The following RSF1 variants were observed in gnomAD, a reference collection of about 807,000 sequenced individuals.
RSF1 encodes remodeling and spacing factor 1.
Under a neutral mutation model 145.2 loss-of-function variants are expected in RSF1, and 13 were observed. The ratio of observed to expected loss-of-function variants is 0.09; its 90% CI spans 0.06 to 0.14. RSF1 has a LOEUF of 0.14. Ranked by LOEUF, RSF1 falls within the 10% of genes least tolerant of loss-of-function variation. The probability of loss-of-function intolerance (pLI) is 1.00; values close to 1 mark genes in which losing one functional copy is unlikely to be tolerated. For synonymous variants in RSF1, 577 were observed against 592.6 expected, an observed-to-expected ratio of 0.97 and a Z score of 0.38; for missense variants, 1,517 against 1,718.2, an observed-to-expected ratio of 0.88 and a Z score of 2.07.
intron 1 of RSF1, among the ~76,000 whole-genome samples, chr11:77,769,067 T>C (rs553678492): frequency 6.6e-6 from 1 of 152,298 alleles, no homozygotes; most frequent in Admixed American, 6.5e-5. Context: ...ATCATATATA[T>C]ATTTTTTTGA....
At chr11:77,813,460 C>T (rs1055598789) in intron 1 of RSF1, 1 of 1,161,328 alleles carries the variant, frequency 8.6e-7, no homozygotes, top group Admixed American at 1.7e-5. Context: ...CGTCTTAGAA[C>T]CTTCACCACA....
chr11:77,697,040 T>G (rs1488698583), intron 7 of RSF1, among the ~76,000 whole-genome samples: 2 of 152,202 alleles, frequency 1.3e-5, no homozygotes, highest in Non-Finnish European at 2.9e-5. Flanking sequence ...TTACATGAGC[T>G]GTTAAAAACA....
chr11:77,675,310 T>C, intron 13 of RSF1, 54 bp from the exon 14 acceptor site: 1 of 1,432,178 alleles, frequency 7.0e-7, no homozygotes, highest in Non-Finnish European at 9.5e-7. Context: ...GTGAACCCAT[T>C]TTTAAGAGTT....
At position 77,700,765 on chromosome 11, in the gene RSF1, T is replaced by C. The variant is rs1316016778; in HGVS notation, c.2464A>G (p.Ile822Val). 6.3e-7 allele frequency: 1 copy of C among 1,588,700 alleles called. No homozygotes were observed. The highest frequency in any genetic ancestry group is 8.5e-7 in the Non-Finnish European group (1 of 1,174,824). The change falls in exon 6 of 16, where the codon ATT (isoleucine) becomes GTT (valine). Residue 822 changes from isoleucine to valine, a missense_variant. Coordinates refer to ENST00000308488, the MANE Select transcript of RSF1 (RefSeq NM_016578.4). ...TALQKTDKKE[I>V]LKKSEKDTNS... ...GTATCTTTCTCTGATTTTTTCAAAA[T>C]TTCCTTTTTGTCAGTTTTTTGCAAA...
intron 1 of RSF1, among the ~76,000 whole-genome samples, chr11:77,785,079 G>T (rs1006936386): frequency 4.6e-5 from 7 of 152,050 alleles, no homozygotes; most frequent in Admixed American, 2.0e-4. Context: ...CTGTTTCTGC[G>T]GTCCTAAAGC....
chr11:77,780,676 T>C (rs1286449913), intron 1 of RSF1, among the ~76,000 whole-genome samples: 1 of 151,896 alleles, frequency 6.6e-6, no homozygotes, highest in Non-Finnish European at 1.5e-5. Context: ...AATACAAAAA[T>C]TAGCCGCGTG....
At chr11:77,789,983 C>G (rs1297066469) in intron 1 of RSF1, among the ~76,000 whole-genome samples, 1 of 152,200 alleles carries the variant, frequency 6.6e-6, no homozygotes, top group Non-Finnish European at 1.5e-5. Flanking sequence ...CTATCACAGC[C>G]ACCGCCAACA....
chr11:77,703,612 T>G (rs1960474940), intron 5 of RSF1: 1 of 152,154 alleles, frequency 6.6e-6, no homozygotes, highest in African/African-American at 2.4e-5. Flanking sequence ...AAATGAAAAT[T>G]TAACCACCAT....
chr11:77,800,626 T>A (rs1401752200), intron 1 of RSF1, among the ~76,000 whole-genome samples: 1 of 151,948 alleles, frequency 6.6e-6, no homozygotes, highest in Non-Finnish European at 1.5e-5. Context: ...TCTCAGCACT[T>A]TGGAAGGGAG....
At chr11:77,859,792 GT>G in the RSF1 span, among the ~76,000 whole-genome samples, 1 of 152,162 alleles carries the variant, frequency 6.6e-6, no homozygotes, top group Non-Finnish European at 1.5e-5. Flanking sequence ...TTTCTTCATT[GT>G]CTGGAAGAAA....
At chr11:77,711,720 T>C (rs1265506366) in intron 5 of RSF1, among the ~76,000 whole-genome samples, 2 of 152,004 alleles carry the variant, frequency 1.3e-5, no homozygotes, top group Non-Finnish European at 2.9e-5. Flanking sequence ...CACCCTACTT[T>C]CCCTAATGTT....
Position 77,679,358 on chromosome 11 carries a change from A to T in RSF1, c.3066-1205T>A, listed in dbSNP as rs568552914. On this transcript the variant is annotated intron_variant, in intron 11 of 15. Coordinates refer to ENST00000308488, the MANE Select transcript of RSF1 (RefSeq NM_016578.4). ...GGCAAAGTAAGTAAAACAAAATTACAGTTCCATAAATACTATTAAGTCCTA... is the reference window on the plus strand; with the variant it reads ...GGCAAAGTAAGTAAAACAAAATTACTGTTCCATAAATACTATTAAGTCCTA... 1.4e-4 allele frequency among the ~76,000 whole-genome samples: 22 copies of T among 152,372 alleles called. No homozygotes were observed. The South Asian group carries it at 4.1e-3, about 29-fold the overall frequency.
chr11:77,813,072 C>T (rs1259122706), intron 1 of RSF1, among the ~76,000 whole-genome samples: 3 of 152,072 alleles, frequency 2.0e-5, no homozygotes, highest in East Asian at 1.9e-4. Context: ...TCCCCACCAC[C>T]TCATCCCTGC....
At chr11:77,793,952 C>A (rs951703691) in intron 1 of RSF1, among the ~76,000 whole-genome samples, 1 of 152,062 alleles carries the variant, frequency 6.6e-6, no homozygotes, top group Non-Finnish European at 1.5e-5. Context: ...GGTCATTATA[C>A]AATGATAAAG....
At chr11:77,789,811 A>G in intron 1 of RSF1, among the ~76,000 whole-genome samples, 1 of 152,182 alleles carries the variant, frequency 6.6e-6, no homozygotes, top group East Asian at 1.9e-4. Flanking sequence ...ACACCATCCC[A>G]GACACACATT....
At chr11:77,716,086 A>T (rs1960800589) in intron 5 of RSF1, among the ~76,000 whole-genome samples, 2 of 152,166 alleles carry the variant, frequency 1.3e-5, no homozygotes, top group East Asian at 3.8e-4. Context: ...AACGCCTGTT[A>T]GGGTGGTTAT....
chr11:77,734,999 G>C, intron 4 of RSF1: 1 of 1,593,888 alleles, frequency 6.3e-7, no homozygotes, highest in South Asian at 1.1e-5. Context: ...TAGTTCTGGC[G>C]CACCTGTGAG....
chr11:77,701,093 A>T lies in RSF1; in HGVS notation c.2136T>A (p.Pro712=). 1 of 1,613,444 alleles carries T rather than the reference A, an allele frequency of 6.2e-7. No homozygotes were observed. Among genetic ancestry groups the T allele is most frequent in the Non-Finnish European group, 8.5e-7 (1 of 1,179,910 alleles). The change falls in exon 6 of 16, where the codon CCT becomes CCA. Residue 712 remains proline (P), a synonymous_variant. Coordinates refer to ENST00000308488, the MANE Select transcript of RSF1 (RefSeq NM_016578.4). The part of the protein sequence containing the change: ...QKSKFKYKLV[P]EEETTASENT... ...TTTCTGAGGCAGTGGTTTCTTCTTC[A>T]GGAACCAACTTATATTTGAATTTGC...
chr11:77,727,915 A>G (rs1961097978), intron 4 of RSF1, among the ~76,000 whole-genome samples: 1 of 152,080 alleles, frequency 6.6e-6, no homozygotes, highest in Non-Finnish European at 1.5e-5. Flanking sequence ...AAACAAAACT[A>G]CCCATCTTTG....
Sources: gnomAD v4.1 joint callset for allele counts (sites outside exome capture counted in the v4.1 genomes callset) on GRCh38, gnomAD v4.1.1 for gene constraint, MANE v1.5 for transcripts, NCBI Gene and HGNC (gene_info 2026-07-23, HGNC 2026-07-21) for gene names.